Variants in ARFIP1 observed in about 807,000 individuals in gnomAD.
ARFIP1 encodes the protein arfaptin-1.
A neutral mutation model predicts 42.5 loss-of-function variants in ARFIP1; 24 were observed. The observed-to-expected ratio is 0.57, with a 90% CI of 0.41 to 0.80. ARFIP1 has a LOEUF of 0.80. Among genes scored for constraint, ARFIP1 ranks in the 30% least tolerant of loss-of-function variants. The pLI is 0.00. For synonymous variants in ARFIP1, 141 were observed against 153.7 expected (o/e 0.92, Z 0.61); for missense variants, 354 against 434.0 (o/e 0.82, Z 1.64).
chr4:152,796,198 A>G (rs6535872), intron 1 of ARFIP1: 760,622 of 788,950 alleles, frequency 0.96, 367,079 homozygotes, highest in Middle Eastern at 0.98. Flanking sequence ...GACAGTCTTT[A>G]GTAATAACAC....
chr4:152,908,912 G>C (rs1214033127), intron 8 of ARFIP1, among the ~76,000 whole-genome samples: 1 of 151,018 alleles, frequency 6.6e-6, no homozygotes, highest in Non-Finnish European at 1.5e-5. Context: ...GTGTGTGTGT[G>C]TGTGTGTGTG....
intron 8 of ARFIP1, 98 bp from the exon 9 acceptor site, chr4:152,909,966 G>A: frequency 7.0e-7 from 1 of 1,436,166 alleles, no homozygotes. Flanking sequence ...TTTTCTTCAA[G>A]AGAGATACAC....
At chr4:152,845,192 C>T (rs550000907) in intron 2 of ARFIP1, among the ~76,000 whole-genome samples, 7 of 152,000 alleles carry the variant, frequency 4.6e-5, no homozygotes, top group Admixed American at 1.3e-4. Context: ...TATCTTTCAC[C>T]GTATATAAAA....
chr4:152,872,695 C>T (rs1578980741), intron 5 of ARFIP1, 131 bp downstream of exon 5: 1 of 478,868 alleles, frequency 2.1e-6, no homozygotes, highest in Non-Finnish European at 3.6e-6. Context: ...GGTAGAAATA[C>T]AGTTTGAAAA....
At chr4:152,792,300 A>G (rs556985794) in intron 1 of ARFIP1, among the ~76,000 whole-genome samples, 1 of 152,262 alleles carries the variant, frequency 6.6e-6, no homozygotes, top group African/African-American at 2.4e-5. Context: ...CCCTTTAGAC[A>G]TTTCTTTGAA....
At chr4:152,894,565 CT>C (rs1737153759) in intron 8 of ARFIP1, among the ~76,000 whole-genome samples, 1 of 152,082 alleles carries the variant, frequency 6.6e-6, no homozygotes, top group South Asian at 2.1e-4. Flanking sequence ...TTGGTGTGTG[CT>C]CCTAGGGAAA....
In ARFIP1 at chr4:152,791,391, T is replaced by C. The variant is rs1035263352; in HGVS notation, c.-10+11165T>C. Among the ~76,000 whole-genome samples the C allele has an allele frequency of 5.3e-4, 81 of 152,320 alleles. 1 individual carries two copies. Among genetic ancestry groups the C allele is most frequent in the African/African-American group, 1.8e-3 (76 of 41,588 alleles). ...TTGGATATTTTCAACTCTGAACATA[T>C]AGTTTTAAAATGGAGTCATGTATGG... On this transcript the variant is annotated intron_variant, in intron 1 of 8. Transcript: ENST00000353617.
At chr4:152,866,363 C>T (rs554047415) in intron 3 of ARFIP1, among the ~76,000 whole-genome samples, 2 of 152,344 alleles carry the variant, frequency 1.3e-5, no homozygotes, top group African/African-American at 4.8e-5. Flanking sequence ...CATCATGGCC[C>T]GTTCCCAGTG....
intron 3 of ARFIP1, among the ~76,000 whole-genome samples, chr4:152,869,798 C>T (rs964230937): frequency 1.3e-5 from 2 of 152,148 alleles, no homozygotes; most frequent in South Asian, 2.1e-4. Flanking sequence ...CAGGGTGTTC[C>T]TGATATCATG....
intron 1 of ARFIP1, among the ~76,000 whole-genome samples, chr4:152,813,376 C>T (rs1201234448): frequency 6.6e-6 from 1 of 152,126 alleles, no homozygotes; most frequent in Non-Finnish European, 1.5e-5. Context: ...GATCAGACTC[C>T]TCTTGCTTTC....
chr4:152,904,042 CTTTTTT>C (rs1051492995), intron 8 of ARFIP1, among the ~76,000 whole-genome samples: 3 of 150,454 alleles, frequency 2.0e-5, no homozygotes, highest in African/African-American at 7.4e-5. Flanking sequence ...AGTTAAAATT[CTTTTTT>C]TTTAAGTTAT....
At chr4:152,900,218 C>T (rs546833973) in intron 8 of ARFIP1, among the ~76,000 whole-genome samples, 6 of 152,076 alleles carry the variant, frequency 3.9e-5, no homozygotes, top group Admixed American at 3.9e-4. Flanking sequence ...AAACATAGAA[C>T]AAAAAAGGCG....
At chr4:152,817,051 T>G (rs1729948854) in intron 1 of ARFIP1, among the ~76,000 whole-genome samples, 1 of 152,144 alleles carries the variant, frequency 6.6e-6, no homozygotes, top group Non-Finnish European at 1.5e-5. Context: ...AAAACTGATT[T>G]ATATTTCTGT....
intron 1 of ARFIP1, among the ~76,000 whole-genome samples, chr4:152,812,650 A>G (rs1057173391): frequency 6.6e-6 from 1 of 152,204 alleles, no homozygotes; most frequent in Non-Finnish European, 1.5e-5. Context: ...GAACTGGTGG[A>G]CTTGGATACC....
chr4:152,850,061 C>A (rs1008092125), intron 2 of ARFIP1, among the ~76,000 whole-genome samples: 1 of 152,188 alleles, frequency 6.6e-6, no homozygotes. Flanking sequence ...CGCATTTCTG[C>A]AAGTATACGG....
At chr4:152,904,986 T>C (rs1175536210) in intron 8 of ARFIP1, among the ~76,000 whole-genome samples, 1 of 152,222 alleles carries the variant, frequency 6.6e-6, no homozygotes, top group Admixed American at 6.5e-5. Flanking sequence ...TCTTCCACAA[T>C]GGTTGAACTA....
chr4:152,902,234 G>A (rs901259700), intron 8 of ARFIP1, among the ~76,000 whole-genome samples: 6 of 152,196 alleles, frequency 3.9e-5, no homozygotes, highest in Admixed American at 1.3e-4. Context: ...AAATGTAGTG[G>A]CTCACACCTG....
At chr4:152,785,874 T>G (rs1730773691) in intron 1 of ARFIP1, among the ~76,000 whole-genome samples, 1 of 152,244 alleles carries the variant, frequency 6.6e-6, no homozygotes, top group Non-Finnish European at 1.5e-5. Flanking sequence ...CATTTCAGTG[T>G]CAGTATCATA....
intron 2 of ARFIP1, among the ~76,000 whole-genome samples, chr4:152,859,200 T>G (rs1733678702): frequency 6.6e-6 from 1 of 152,214 alleles, no homozygotes; most frequent in Non-Finnish European, 1.5e-5. Context: ...TAGCTAGGAC[T>G]ATAGGCTCAT....
Sources: allele counts gnomAD v4.1 joint callset (sites outside exome capture counted in the v4.1 genomes callset), GRCh38; gene constraint gnomAD v4.1.1; transcripts MANE v1.5; gene names NCBI Gene and HGNC (gene_info 2026-07-23, HGNC 2026-07-21).